The following NCKAP5 variants were observed in gnomAD, a reference collection of about 807,000 sequenced individuals.
The protein encoded by NCKAP5 is NCK associated protein 5.
A neutral mutation model predicts 167.0 loss-of-function variants in NCKAP5; 92 were observed. The observed-to-expected ratio is 0.55, with a 90% CI of 0.47 to 0.66. The LOEUF (loss-of-function observed/expected upper bound fraction) is 0.66, where lower values mean the gene tolerates loss of function less well. NCKAP5 is among the 30% of genes least tolerant of loss of function. The pLI, the probability that NCKAP5 is intolerant of heterozygous loss-of-function variation, is 0.00. For synonymous variants in NCKAP5, 891 were observed against 877.4 expected, an observed-to-expected ratio of 1.02 and a Z score of -0.27; for missense variants, 2,378 against 2,315.0, an observed-to-expected ratio of 1.03 and a Z score of -0.56.
At chr2:133,464,637 C>G (rs927613684) in intron 3 of NCKAP5, among the ~76,000 whole-genome samples, 1 of 152,136 alleles carries the variant, frequency 6.6e-6, no homozygotes, top group African/African-American at 2.4e-5. Context: ...TTTCAGTGAG[C>G]CGAGATCCCA....
rs1188968351 is a variant in NCKAP5, at chr2:133,006,961, C to T, written c.342-12722G>A. ...TTGCATGCTTCTTGTGACACTTGTT[C>T]CATGATATTTCAGAGTAGCTTCTCT... is the stretch of plus-strand genomic sequence containing the variant. On this transcript the variant is annotated intron_variant, in intron 6 of 19. Transcript: ENST00000409261. Among the ~76,000 whole-genome samples, 6 of 152,274 alleles carry T rather than the reference C, an allele frequency of 3.9e-5. No individual in the cohort carries two copies. The South Asian group carries it at 1.2e-3, about 32-fold the overall frequency.
chr2:133,285,732 C>A (rs1274388088), intron 4 of NCKAP5, among the ~76,000 whole-genome samples: 1 of 152,224 alleles, frequency 6.6e-6, no homozygotes. Flanking sequence ...CCAACTCAGT[C>A]TACAGCAGGA....
intron 4 of NCKAP5, among the ~76,000 whole-genome samples, chr2:133,286,926 T>G (rs1679184229): frequency 6.6e-6 from 1 of 152,160 alleles, no homozygotes; most frequent in Admixed American, 6.5e-5. Flanking sequence ...GAAAGGCAGA[T>G]GTTGAGTCAT....
intron 5 of NCKAP5, among the ~76,000 whole-genome samples, chr2:133,164,911 G>A (rs775594668): frequency 1.3e-5 from 2 of 152,226 alleles, no homozygotes; most frequent in South Asian, 2.1e-4. Flanking sequence ...GGCACAGGAC[G>A]TCTGTATCAA....
chr2:133,464,706 G>T (rs942147386), intron 3 of NCKAP5, among the ~76,000 whole-genome samples: 3 of 152,076 alleles, frequency 2.0e-5, no homozygotes, highest in Non-Finnish European at 4.4e-5. Context: ...ATAAACAAAT[G>T]AATAAATAAA....
chr2:133,105,949 A>G (rs1004769435), intron 6 of NCKAP5, among the ~76,000 whole-genome samples: 2 of 152,126 alleles, frequency 1.3e-5, no homozygotes, highest in Admixed American at 6.5e-5. Context: ...TGAAGCCAAA[A>G]TATTACCATA....
At position 132,769,729 on chromosome 2, in the gene NCKAP5, C is replaced by G. The variant is rs1268719990; in HGVS notation, c.5128+4087G>C. 2.0e-5 allele frequency among the ~76,000 whole-genome samples: 3 copies of G among 152,178 alleles called. 1 individual carries two copies. In the South Asian group the frequency reaches 6.2e-4, roughly 32 times the overall value. On this transcript the variant is annotated intron_variant, in intron 16 of 19. Transcript: ENST00000409261. ...AGCAACATGCTAACTTTCCCAGCAT[C>G]CTTTGCAGCTAGGATTGGCTGTATG... is the stretch of plus-strand genomic sequence containing the variant.
intron 1 of NCKAP5, among the ~76,000 whole-genome samples, chr2:133,560,625 G>C (rs1249907648): frequency 6.6e-6 from 1 of 152,108 alleles, no homozygotes; most frequent in East Asian, 1.9e-4. Context: ...CAGCAGGTAG[G>C]AAGAGAACAG....
chr2:132,939,251 C>G (rs1025298280), intron 8 of NCKAP5, among the ~76,000 whole-genome samples: 1 of 152,176 alleles, frequency 6.6e-6, no homozygotes, highest in Admixed American at 6.5e-5. Flanking sequence ...GTTGAGAGGG[C>G]AGTACACTAT....
intron 3 of NCKAP5, among the ~76,000 whole-genome samples, chr2:133,512,451 T>C (rs1048521410): frequency 6.6e-6 from 1 of 152,242 alleles, no homozygotes; most frequent in African/African-American, 2.4e-5. Flanking sequence ...GCCTAGTGCC[T>C]GTCTTTGTAA....
intron 16 of NCKAP5, among the ~76,000 whole-genome samples, chr2:132,760,019 T>C (rs1013452703): frequency 1.1e-3 from 168 of 152,160 alleles, no homozygotes; most frequent in African/African-American, 3.5e-3. Flanking sequence ...CACATGCAAA[T>C]ATAACTTACC....
At chr2:133,580,419 G>A in the NCKAP5 span, among the ~76,000 whole-genome samples, 123,198 of 152,120 alleles carry the variant, frequency 0.81, 50,155 homozygotes, top group African/African-American at 0.89. Context: ...CCCAGGCTAA[G>A]GTCATAGAAG....
intron 3 of NCKAP5, among the ~76,000 whole-genome samples, chr2:133,332,249 A>C (rs1332025137): frequency 6.6e-6 from 1 of 152,182 alleles, no homozygotes; most frequent in Non-Finnish European, 1.5e-5. Context: ...TCAGTGAGCT[A>C]AAGAAAACTG....
chr2:132,837,349 C>A lies in NCKAP5; in HGVS notation c.807+23143G>T, dbSNP rs115229324. 3.4e-3 allele frequency among the ~76,000 whole-genome samples: 516 copies of A among 152,072 alleles called. 2 individuals are homozygous for A. The highest frequency in any genetic ancestry group is 5.8e-3 in the Non-Finnish European group (397 of 67,974). ...TCTATTTTTTTCCTATTGTTTCTTT[C>A]TGGTATTACTATTATTCTTATGGCT... is the stretch of plus-strand genomic sequence containing the variant. On this transcript the variant is annotated intron_variant, in intron 11 of 19. Coordinates refer to ENST00000409261, the MANE Select transcript of NCKAP5 (RefSeq NM_207363.3).
chr2:133,351,211 T>C (rs953287367), intron 3 of NCKAP5, among the ~76,000 whole-genome samples: 1 of 151,544 alleles, frequency 6.6e-6, no homozygotes, highest in African/African-American at 2.4e-5. Context: ...AATTGGTTAA[T>C]AGCTTCAGGA....
At chr2:132,679,745 C>T (rs2105021127) in intron 19 of NCKAP5, among the ~76,000 whole-genome samples, 1 of 152,248 alleles carries the variant, frequency 6.6e-6, no homozygotes, top group South Asian at 2.1e-4. Flanking sequence ...GTGATTTACC[C>T]CATCCCTTTT....
intron 11 of NCKAP5, among the ~76,000 whole-genome samples, chr2:132,822,316 C>A (rs1426685475): frequency 3.9e-5 from 6 of 152,220 alleles, no homozygotes; most frequent in African/African-American, 7.2e-5. Context: ...CACTCCCCTG[C>A]CACCTCTACC....
chr2:133,308,689 C>CTTTTTTTTTTT (rs35760716), intron 3 of NCKAP5, among the ~76,000 whole-genome samples: 5 of 59,278 alleles, frequency 8.4e-5, no homozygotes, highest in African/African-American at 1.9e-4. Context: ...AAATACAATT[C>CTTTTTTTTTTT]TTTTTTTTTT....
At chr2:133,165,073 C>T (rs1246957119) in intron 5 of NCKAP5, among the ~76,000 whole-genome samples, 1 of 123,670 alleles carries the variant, frequency 8.1e-6, no homozygotes, top group Non-Finnish European at 1.8e-5. Context: ...TCGGGTGTCA[C>T]AGCTGGGGAT....
Sources: allele counts gnomAD v4.1 joint callset (sites outside exome capture counted in the v4.1 genomes callset), GRCh38; gene constraint gnomAD v4.1.1; transcripts MANE v1.5; gene names NCBI Gene and HGNC (gene_info 2026-07-23, HGNC 2026-07-21).